The following VWA3B variants were observed in gnomAD, a reference collection of about 807,000 sequenced individuals.
VWA3B encodes von Willebrand factor A domain-containing protein 3B.
A neutral mutation model predicts 158.3 loss-of-function variants in VWA3B; 138 were observed. That is an observed-to-expected ratio of 0.87 (90% CI 0.76 to 1.00). VWA3B has a LOEUF of 1.00. Ranked by LOEUF, VWA3B falls within the 50% of genes least tolerant of loss-of-function variation. The pLI, the probability that VWA3B is intolerant of heterozygous loss-of-function variation, is 0.00. For missense variants in VWA3B, 1,555 were observed against 1,565.1 expected (o/e 0.99, Z 0.11); for synonymous variants, 596 against 587.3 (o/e 1.01, Z -0.21).
At chr2:98,290,821 C>A in intron 23 of VWA3B, 199 bp downstream of exon 23, 3 of 474,770 alleles carry the variant, frequency 6.3e-6, no homozygotes, top group South Asian at 8.2e-5. Context: ...AAAAAAGTAG[C>A]CAGAAAAATG....
intron 24 of VWA3B, among the ~76,000 whole-genome samples, chr2:98,299,852 G>C (rs909835942): frequency 6.6e-6 from 1 of 152,144 alleles, no homozygotes; most frequent in Non-Finnish European, 1.5e-5. Context: ...TTGTCAGTTG[G>C]TGAAGTCCTA....
At chr2:98,177,491 C>G (rs1680107189) in intron 8 of VWA3B, among the ~76,000 whole-genome samples, 1 of 152,128 alleles carries the variant, frequency 6.6e-6, no homozygotes, top group South Asian at 2.1e-4. Flanking sequence ...ATGCCCTTCC[C>G]TGCCCCTCCC....
chr2:98,228,143 T>A lies in VWA3B; in HGVS notation c.2020-59T>A. Reference sequence around the variant, plus strand: ...TGTCTCTAAAAAGAAAAGAAACATGTTTGGAATTTGAGCTCTTTTTATCTA... The same window carrying A: ...TGTCTCTAAAAAGAAAAGAAACATGATTGGAATTTGAGCTCTTTTTATCTA... On this transcript the variant is annotated intron_variant, in intron 14 of 27. Transcript: ENST00000477737. 5 of 1,513,186 alleles carry A rather than the reference T, an allele frequency of 3.3e-6. No individual in the cohort carries two copies. In the Admixed American group the frequency reaches 8.4e-5, roughly 25 times the overall value. 93.7% of individuals were successfully genotyped at this position (1,513,186 alleles called of 1,614,324 possible).
chr2:98,291,893 G>A (rs977221560), intron 23 of VWA3B: 1 of 151,628 alleles, frequency 6.6e-6, no homozygotes, highest in South Asian at 2.1e-4. Context: ...CATGGGAAGG[G>A]TCTGTAGGGA....
chr2:98,327,095 G>A, the VWA3B span, among the ~76,000 whole-genome samples: 16 of 151,558 alleles, frequency 1.1e-4, no homozygotes, highest in African/African-American at 3.6e-4. Context: ...AGGAGTTTGA[G>A]ACCAGCCTGG....
Position 98,179,699 on chromosome 2 carries a change from TTTTC to T in VWA3B, c.1115-1306_1115-1303del, listed in dbSNP as rs371055174. 4.2e-3 allele frequency among the ~76,000 whole-genome samples: 632 copies of T among 151,998 alleles called. 4 individuals are homozygous for T. Among genetic ancestry groups the T allele is most frequent in the African/African-American group, 0.014 (585 of 41,494 alleles). On this transcript the variant is annotated intron_variant, in intron 8 of 27. Transcript: ENST00000477737. ...TCTTTCTTTCTTTCTCTTCCTTTCT[TTTTC>T]TTTCTTTCTTCTTTCTTTTTCTTCT...
chr2:98,144,566 C>CTTT (rs34924678), intron 7 of VWA3B, among the ~76,000 whole-genome samples: 11 of 143,928 alleles, frequency 7.6e-5, no homozygotes, highest in Non-Finnish European at 1.7e-4. Context: ...TTCTTTCTTT[C>CTTT]TTTTTTTTTT....
Position 98,300,158 on chromosome 2 carries a change from C to CCAATAAG in VWA3B, c.3365_3371dup (p.His1124GlnfsTer2). 6.2e-7 allele frequency: 1 copy of CCAATAAG among 1,614,194 alleles called. No homozygotes were observed. Among genetic ancestry groups the CCAATAAG allele is most frequent in the Non-Finnish European group, 8.5e-7 (1 of 1,180,044 alleles). ...GTCCCTGCCATTGTCATAGCACTTC[C>CCAATAAG]CAATAAGCATGTGGCCACAGAAAAA... On this transcript the variant is annotated frameshift_variant, in exon 25 of 28. Coordinates refer to ENST00000477737, the MANE Select transcript of VWA3B (RefSeq NM_144992.5). LOFTEE classifies it high-confidence loss of function.
At chr2:98,121,562 T>TC (rs962278600) in intron 5 of VWA3B, 104 bp downstream of exon 5, 2 of 1,447,886 alleles carry the variant, frequency 1.4e-6, no homozygotes, top group African/African-American at 2.8e-5. Context: ...CTTGGGCCCC[T>TC]CCCAGCAGGA....
At position 98,312,855 on chromosome 2, in the gene VWA3B, C is replaced by A. The variant is rs537288834; in HGVS notation, c.*506C>A. On this transcript the variant is annotated 3_prime_UTR_variant, in exon 28 of 28. Coordinates refer to ENST00000477737, the MANE Select transcript of VWA3B (RefSeq NM_144992.5). Reference sequence around the variant, plus strand: ...TTCCTGACATTTTCATTTAGCCTTTCCTAATTATTTTTGTCTATAGTCTGT... The same window carrying A: ...TTCCTGACATTTTCATTTAGCCTTTACTAATTATTTTTGTCTATAGTCTGT... 1 of 153,118 alleles carries A rather than the reference C, an allele frequency of 6.5e-6. No homozygotes were observed. Among genetic ancestry groups the A allele is most frequent in the East Asian group, 1.9e-4 (1 of 5,202 alleles). 9.5% of individuals were successfully genotyped at this position (153,118 alleles called of 1,614,324 possible). A position where few individuals can be genotyped will look rare whatever the true frequency, so the allele number is the denominator to read the frequency against.
At chr2:98,089,574 A>G (rs1489642433) in intron 1 of VWA3B, among the ~76,000 whole-genome samples, 7 of 151,366 alleles carry the variant, frequency 4.6e-5, no homozygotes, top group African/African-American at 1.5e-4. Context: ...GCTCTGATAG[A>G]ACAGTTCCTA....
intron 12 of VWA3B, among the ~76,000 whole-genome samples, chr2:98,195,156 C>G (rs1681935791): frequency 6.6e-6 from 1 of 152,104 alleles, no homozygotes; most frequent in African/African-American, 2.4e-5. Context: ...CTTAAAAAGT[C>G]AAATATAGGA....
chr2:98,095,141 G>GT (rs994183325), intron 2 of VWA3B, among the ~76,000 whole-genome samples: 1 of 152,102 alleles, frequency 6.6e-6, no homozygotes, highest in Non-Finnish European at 1.5e-5. Flanking sequence ...TTTAAGGATT[G>GT]TTTTTTCTAT....
chr2:98,297,512 A>C (rs1359457366), intron 23 of VWA3B, among the ~76,000 whole-genome samples: 1 of 152,234 alleles, frequency 6.6e-6, no homozygotes, highest in South Asian at 2.1e-4. Flanking sequence ...TTAATTAACA[A>C]CATGTATTTT....
Position 98,270,853 on chromosome 2 carries a change from G to A in VWA3B, c.3015G>A (p.Lys1005=). ...QQAMELQEAA[K]KNYANKAPGE... ...CCATGGAACTCCAGGAGGCTGCCAA[G>A]AAGAATTATGCAAACAAGGCCCCGG... The change falls in exon 22 of 28, where the codon AAG becomes AAA. Residue 1005 remains lysine (K), a synonymous_variant. Transcript: ENST00000477737. 6.2e-7 allele frequency: 1 copy of A among 1,614,060 alleles called. No individual in the cohort carries two copies. The highest frequency in any genetic ancestry group is 8.5e-7 in the Non-Finnish European group (1 of 1,179,936).
In VWA3B at chr2:98,128,295, TCTC is replaced by T; in HGVS notation, c.764_766del (p.Leu255del). The T allele has an allele frequency of 6.2e-7, 1 of 1,614,092 alleles. No homozygotes were observed. The highest frequency in any genetic ancestry group is 8.5e-7 in the Non-Finnish European group (1 of 1,180,020). On this transcript the variant is annotated inframe_deletion, in exon 6 of 28. Coordinates refer to ENST00000477737, the MANE Select transcript of VWA3B (RefSeq NM_144992.5). ...ATGTTCCTGAAGAATCCAAGGAGCTTCTCCTCCAGAGGGCCTTGGAGATCCCGT... is the reference window on the plus strand; with the variant it reads ...ATGTTCCTGAAGAATCCAAGGAGCTTCTCCAGAGGGCCTTGGAGATCCCGT...
chr2:98,218,249 A>G (rs1574111471), intron 14 of VWA3B, among the ~76,000 whole-genome samples: 2 of 152,324 alleles, frequency 1.3e-5, no homozygotes, highest in East Asian at 3.9e-4. Flanking sequence ...CATTTCAGAG[A>G]TGCTAAAGCA....
At chr2:98,105,969 G>A (rs1011648899) in intron 2 of VWA3B, among the ~76,000 whole-genome samples, 16 of 152,006 alleles carry the variant, frequency 1.1e-4, no homozygotes, top group African/African-American at 3.6e-4. Context: ...AGGCTGGAGT[G>A]CAGTGGTGCA....
intron 8 of VWA3B, among the ~76,000 whole-genome samples, chr2:98,167,308 T>G (rs561913608): frequency 6.6e-6 from 1 of 151,986 alleles, no homozygotes; most frequent in Non-Finnish European, 1.5e-5. Flanking sequence ...GTGAGGCCAC[T>G]GATAGTTTTT....
Sources: allele counts gnomAD v4.1 joint callset (sites outside exome capture counted in the v4.1 genomes callset), GRCh38; gene constraint gnomAD v4.1.1; transcripts MANE v1.5; gene names NCBI Gene and HGNC (gene_info 2026-07-23, HGNC 2026-07-21).